Variants in FAM151A observed in about 807,000 individuals in gnomAD.
FAM151A encodes the protein family with sequence similarity 151 member A.
Under a neutral mutation model 40.4 loss-of-function variants are expected in FAM151A, and 41 were observed. That is an observed-to-expected ratio of 1.01 (90% CI 0.79 to 1.32). The LOEUF is 1.32. Among genes scored for constraint, FAM151A ranks in the 40% most tolerant of loss-of-function variants. The pLI is 0.00. For missense variants in FAM151A, 740 were observed against 740.4 expected, an observed-to-expected ratio of 1.00 and a Z score of 0.01; for synonymous variants, 337 against 312.5, an observed-to-expected ratio of 1.08 and a Z score of -0.83.
chr1:54,610,644 C>T (rs1049874986), intron 6 of FAM151A, 89 bp from the exon 7 acceptor site: 32 of 1,533,688 alleles, frequency 2.1e-5, no homozygotes, highest in Middle Eastern at 2.3e-4. Flanking sequence ...CACAGCTCTA[C>T]GGGCATCCTC....
In FAM151A at chr1:54,611,711, G is replaced by A. The variant is rs753674345; in HGVS notation, c.835C>T (p.Pro279Ser). Residue 279 changes from proline (P) to serine (S), a missense_variant, in exon 6 of 8, where the codon CCC (proline) becomes TCC (serine). Transcript: ENST00000302250. ...SLTLWQAASDPMSVEDLLYVR... is the reference protein window; with the variant it reads ...SLTLWQAASDSMSVEDLLYVR... ...TAGAGCAGATCTTCCACCGACATGG[G>A]GTCCGAGGCAGCCTGCCACAGCGTC... The A allele has an allele frequency of 6.2e-7, 1 of 1,614,138 alleles. No individual in the cohort carries two copies. The highest frequency in any genetic ancestry group is 8.5e-7 in the Non-Finnish European group (1 of 1,180,004).
intron 3 of FAM151A, among the ~76,000 whole-genome samples, chr1:54,615,261 G>A (rs1435806231): frequency 6.6e-6 from 1 of 152,166 alleles, no homozygotes; most frequent in African/African-American, 2.4e-5. Context: ...GTGCATTTGA[G>A]TAGAGGAGGA....
rs1557667902 is a variant in FAM151A at position 54,609,434 on chromosome 1, G to A, written c.1592C>T (p.Ser531Phe). Residue 531 changes from serine (S) to phenylalanine (F), a missense_variant, in exon 8 of 8, where the codon TCC (serine) becomes TTC (phenylalanine). Coordinates refer to ENST00000302250, the MANE Select transcript of FAM151A (RefSeq NM_176782.3). ...CACTGTGACGGTGGCCCGGGGGGAG[G>A]ATGCCAGCAGCCTGCCTATGGCTCC... ...TAGAIGRLLA[S>F]SPRATVTVEH... The A allele has an allele frequency of 1.9e-6, 3 of 1,613,760 alleles. No homozygotes were observed. The highest frequency in any genetic ancestry group is 2.5e-6 in the Non-Finnish European group (3 of 1,180,026).
chr1:54,616,013 C>G lies in FAM151A; in HGVS notation c.415+7G>C. 6.2e-7 allele frequency: 1 copy of G among 1,613,184 alleles called. No homozygotes were observed. The highest frequency in any genetic ancestry group is 8.5e-7 in the Non-Finnish European group (1 of 1,179,922). Reference sequence around the variant, plus strand: ...GGGCCGGAGAGGGTTTCCAGAGAGGCCCTTACCCTTTTGGGAAGAGCCCAG... The same window carrying G: ...GGGCCGGAGAGGGTTTCCAGAGAGGGCCTTACCCTTTTGGGAAGAGCCCAG... On this transcript the variant is annotated splice_region_variant and intron_variant, in intron 3 of 7. Transcript: ENST00000302250.
intron 1 of FAM151A, among the ~76,000 whole-genome samples, chr1:54,620,845 CAAA>C (rs767625864): frequency 3.0e-3 from 36 of 12,126 alleles, no homozygotes; most frequent in African/African-American, 3.8e-3. Context: ...GAGACTCTGT[CAAA>C]AAAAAAAAAA....
intron 1 of FAM151A, among the ~76,000 whole-genome samples, 170 bp from the exon 2 acceptor site, chr1:54,620,177 C>T (rs1236260907): frequency 1.3e-5 from 2 of 152,208 alleles, no homozygotes; most frequent in Non-Finnish European, 2.9e-5. Flanking sequence ...AATGAATGGG[C>T]TCCTGGGGCC....
Position 54,614,759 on chromosome 1 carries a change from G to A in FAM151A, c.516C>T (p.Ile172=). The A allele has an allele frequency of 1.9e-6, 3 of 1,614,130 alleles. No homozygotes were observed. Among genetic ancestry groups the A allele is most frequent in the Non-Finnish European group, 2.5e-6 (3 of 1,180,020 alleles). ...EEGKVRRPIW[I]NADILKGPNM... ...TGGGGCCCTTTAAGATGTCAGCGTT[G>A]ATCCATATGGGCCGCCGGACTTTGC... Residue 172 remains isoleucine (I), a synonymous_variant, in exon 4 of 8, where the codon ATC becomes ATT. Transcript: ENST00000302250.
chr1:54,620,014 G>T lies in FAM151A; in HGVS notation c.119-7C>A. On this transcript the variant is annotated splice_region_variant and splice_polypyrimidine_tract_variant and intron_variant, in intron 1 of 7. Transcript: ENST00000302250. Reference sequence around the variant, plus strand: ...CAGGCCTCCAGCTCACAGCCTGGAAGGAATCCCAAGGGGCTGTTAGCGTCT... The same window carrying T: ...CAGGCCTCCAGCTCACAGCCTGGAATGAATCCCAAGGGGCTGTTAGCGTCT... 2 of 1,613,504 alleles carry T rather than the reference G, an allele frequency of 1.2e-6. No individual in the cohort carries two copies. The highest frequency in any genetic ancestry group is 1.7e-6 in the Non-Finnish European group (2 of 1,179,638).
Position 54,610,135 on chromosome 1 carries a change from T to C in FAM151A, c.1085-194A>G, listed in dbSNP as rs115869968. ...TGCCTGGTGCATGAGAAACTCTTGT[T>C]TCAGCTCTTGGCCTTTACCCATGAC... On this transcript the variant is annotated intron_variant, in intron 7 of 7. Transcript: ENST00000302250. 6,550 of 1,433,176 alleles carry C rather than the reference T, an allele frequency of 4.6e-3. 259 individuals carry two copies. In the African/African-American group the frequency reaches 0.081, roughly 18 times the overall value. The allele number at this position is 1,433,176 out of a possible 1,614,324, so 88.8% of individuals were successfully genotyped here.
rs1644078161 is a variant in FAM151A at position 54,609,191 on chromosome 1, C to CA, written c.*76dup. 3.7e-6 allele frequency: 6 copies of CA among 1,600,030 alleles called. No homozygotes were observed. Among genetic ancestry groups the CA allele is most frequent in the Non-Finnish European group, 5.1e-6 (6 of 1,172,218 alleles). On this transcript the variant is annotated 3_prime_UTR_variant, in exon 8 of 8. Coordinates refer to ENST00000302250, the MANE Select transcript of FAM151A (RefSeq NM_176782.3). Reference sequence around the variant, plus strand: ...CTCACATACAGTGCCTGGAGAAAGCCAAAGACCTTTATTTCTTCCTGCCTC... The same window carrying CA: ...CTCACATACAGTGCCTGGAGAAAGCCAAAAGACCTTTATTTCTTCCTGCCTC...
intron 1 of FAM151A, among the ~76,000 whole-genome samples, chr1:54,622,580 C>A (rs560136361): frequency 2.2e-4 from 33 of 150,264 alleles, no homozygotes; most frequent in East Asian, 9.8e-4. Flanking sequence ...AAAAAAAAAA[C>A]CACAAAAAAT....
chr1:54,613,059 C>T (rs1437441824), intron 4 of FAM151A, among the ~76,000 whole-genome samples: 1 of 152,024 alleles, frequency 6.6e-6, no homozygotes, highest in Non-Finnish European at 1.5e-5. Flanking sequence ...AGCTGGGAGT[C>T]TCTGAAGTTT....
At chr1:54,618,503 TCAAAA>T (rs1263650816) in intron 2 of FAM151A, among the ~76,000 whole-genome samples, 2 of 152,044 alleles carry the variant, frequency 1.3e-5, no homozygotes, top group Non-Finnish European at 2.9e-5. Flanking sequence ...AGATCCTGTC[TCAAAA>T]CAAACAAACA....
chr1:54,622,082 T>C (rs528525077), intron 1 of FAM151A, among the ~76,000 whole-genome samples: 1 of 151,424 alleles, frequency 6.6e-6, no homozygotes, highest in African/African-American at 2.4e-5. Flanking sequence ...AAGACCATCC[T>C]GGCCAACATG....
At chr1:54,610,603 CACCTT>C (rs1228962016) in intron 6 of FAM151A, 48 bp from the exon 7 acceptor site, 1 of 1,590,360 alleles carries the variant, frequency 6.3e-7, no homozygotes, top group East Asian at 2.2e-5. Flanking sequence ...ATTCACAGAA[CACCTT>C]ACCTGGTTGC....
In FAM151A at chr1:54,610,550, C is replaced by T; in HGVS notation, c.946G>A (p.Ala316Thr). Residue 316 changes from alanine (A) to threonine (T), a missense_variant, in exon 7 of 8, where the codon GCC becomes ACC. Transcript: ENST00000302250. ...LSQFKQLALNATRKPMYYTGG... is the reference protein window; with the variant it reads ...LSQFKQLALNTTRKPMYYTGG... The stretch of plus-strand genomic sequence containing the variant: ...GTGTAGTACATTGGTTTCCGTGTGG[C>T]ATTCACTGTGGGGCCCCAAATCGCC... 4 of 1,611,204 alleles carry T rather than the reference C, an allele frequency of 2.5e-6. No individual in the cohort carries two copies. Among genetic ancestry groups the T allele is most frequent in the Non-Finnish European group, 3.4e-6 (4 of 1,178,308 alleles).
chr1:54,612,256 T>A (rs1644126762), intron 5 of FAM151A, among the ~76,000 whole-genome samples: 1 of 151,596 alleles, frequency 6.6e-6, no homozygotes. Flanking sequence ...GGTATAAATA[T>A]TTTCCAGAGG....
intron 4 of FAM151A, among the ~76,000 whole-genome samples, chr1:54,613,982 A>C (rs1274757886): frequency 1.3e-5 from 2 of 152,214 alleles, no homozygotes; most frequent in Admixed American, 1.3e-4. Flanking sequence ...AATAAAAGTA[A>C]TACTACCTAC....
intron 1 of FAM151A, among the ~76,000 whole-genome samples, chr1:54,620,427 C>CG (rs1644218613): frequency 6.6e-6 from 1 of 152,108 alleles, no homozygotes; most frequent in African/African-American, 2.4e-5. Flanking sequence ...AAGAGGGGGC[C>CG]GGGCATGGTG....
Sources: allele counts gnomAD v4.1 joint callset (sites outside exome capture counted in the v4.1 genomes callset), GRCh38; gene constraint gnomAD v4.1.1; transcripts MANE v1.5; gene names NCBI Gene and HGNC (gene_info 2026-07-23, HGNC 2026-07-21).